The following DACH2 variants were observed in gnomAD, a reference collection of about 807,000 sequenced individuals.
The protein encoded by DACH2 is dachshund family transcription factor 2.
In DACH2, 17 loss-of-function variants were observed where a neutral mutation model predicts 35.8. That is an observed-to-expected ratio of 0.48 (90% CI 0.33 to 0.71). DACH2 has a LOEUF of 0.71. Ranked by LOEUF, DACH2 falls within the 30% of genes least tolerant of loss-of-function variation. The pLI is 0.02. For synonymous variants in DACH2, 195 were observed against 177.3 expected, an observed-to-expected ratio of 1.10 and a Z score of -0.79; for missense variants, 469 against 472.7, an observed-to-expected ratio of 0.99 and a Z score of 0.07.
intron 4 of DACH2, among the ~76,000 whole-genome samples, chrX:86,684,999 G>T (rs1410984824): frequency 1.8e-5 from 2 of 111,520 alleles, no homozygotes; most frequent in African/African-American, 6.5e-5. Context: ...TATATTCTTA[G>T]TATCAGTGAG....
chrX:86,810,573 T>C (rs1040079611), intron 7 of DACH2, among the ~76,000 whole-genome samples: 1 of 111,907 alleles, frequency 8.9e-6, no homozygotes, highest in African/African-American at 3.2e-5. Flanking sequence ...ATCATCATTA[T>C]AAAGTCATTC....
intron 4 of DACH2, among the ~76,000 whole-genome samples, chrX:86,672,886 A>G (rs2040780996): frequency 9.0e-6 from 1 of 111,607 alleles, no homozygotes. Flanking sequence ...GACGACTTGC[A>G]TTGTGCACCT....
chrX:86,810,241 T>C (rs1210512270), intron 7 of DACH2, among the ~76,000 whole-genome samples: 1 of 112,052 alleles, frequency 8.9e-6, no homozygotes, highest in East Asian at 2.8e-4. Context: ...AATTTTGTTT[T>C]CTGCATACTG....
At chrX:86,656,958 G>A in intron 4 of DACH2, among the ~76,000 whole-genome samples, 1 of 102,400 alleles carries the variant, frequency 9.8e-6, no homozygotes, top group Non-Finnish European at 2.0e-5. Flanking sequence ...TGATGGAACT[G>A]GAGGTTAATA....
intron 1 of DACH2, among the ~76,000 whole-genome samples, chrX:86,293,737 T>C (rs1203857601): frequency 1.8e-5 from 2 of 111,659 alleles, no homozygotes; most frequent in Admixed American, 9.5e-5. Context: ...TCTTTAAGAA[T>C]GTTGAATATT....
intron 7 of DACH2, among the ~76,000 whole-genome samples, chrX:86,749,064 G>A (rs2041744159): frequency 8.9e-6 from 1 of 111,848 alleles, no homozygotes; most frequent in South Asian, 3.7e-4. Context: ...CAGCCTACAA[G>A]GAATTAAAGA....
chrX:86,362,672 G>A (rs943202520), intron 1 of DACH2, among the ~76,000 whole-genome samples: 7 of 111,039 alleles, frequency 6.3e-5, no homozygotes, highest in African/African-American at 2.0e-4. Context: ...TACACTTAAT[G>A]TTTTCTTAGA....
chrX:86,698,532 T>G (rs1400438414), intron 5 of DACH2, among the ~76,000 whole-genome samples: 1 of 62,058 alleles, frequency 1.6e-5, no homozygotes, highest in East Asian at 5.4e-4. Context: ...TTTTTTTTTT[T>G]TTTTTTTTTT....
intron 2 of DACH2, among the ~76,000 whole-genome samples, chrX:86,439,525 C>A (rs748854659): frequency 1.8e-5 from 2 of 111,267 alleles, no homozygotes; most frequent in South Asian, 7.3e-4. Flanking sequence ...AACTTTATAG[C>A]TTTTGGTCTC....
intron 6 of DACH2, among the ~76,000 whole-genome samples, chrX:86,733,107 G>A (rs187880240): frequency 3.9e-4 from 44 of 111,594 alleles, no homozygotes; most frequent in African/African-American, 1.3e-3. Context: ...AGTTTGCACC[G>A]TGGGCACCTA....
At chrX:86,706,192 A>G (rs1434071233) in intron 5 of DACH2, among the ~76,000 whole-genome samples, 2 of 111,579 alleles carry the variant, frequency 1.8e-5, no homozygotes, top group African/African-American at 3.3e-5. Flanking sequence ...GAGATTTCAC[A>G]CTATACAATT....
chrX:86,331,487 C>CAAAA (rs778823154), intron 1 of DACH2, among the ~76,000 whole-genome samples: 1 of 110,254 alleles, frequency 9.1e-6, no homozygotes, highest in Non-Finnish European at 1.9e-5. Context: ...AACAAACAAA[C>CAAAA]AAAAAAACAG....
intron 2 of DACH2, among the ~76,000 whole-genome samples, chrX:86,401,333 A>T (rs757814286): frequency 1.8e-5 from 2 of 112,230 alleles, no homozygotes; most frequent in Admixed American, 9.4e-5. Flanking sequence ...TTCCCGGGTG[A>T]GGTGATGCCT....
intron 2 of DACH2, among the ~76,000 whole-genome samples, chrX:86,421,959 A>T (rs1449261920): frequency 9.0e-6 from 1 of 111,500 alleles, no homozygotes; most frequent in Non-Finnish European, 1.9e-5. Context: ...TAATACACCA[A>T]GTGAGAGAAG....
intron 2 of DACH2, among the ~76,000 whole-genome samples, chrX:86,460,693 A>C (rs1384834072): frequency 9.0e-6 from 1 of 110,918 alleles, no homozygotes; most frequent in African/African-American, 3.3e-5. Flanking sequence ...AAGACTATAA[A>C]TTTTTTCAAG....
At chrX:86,783,245 A>AT (rs938924175) in intron 7 of DACH2, among the ~76,000 whole-genome samples, 2 of 111,930 alleles carry the variant, frequency 1.8e-5, no homozygotes, top group African/African-American at 3.2e-5. Context: ...AAAATGGCTT[A>AT]TATCCAAAAG....
intron 1 of DACH2, among the ~76,000 whole-genome samples, chrX:86,321,545 C>T (rs1459385743): frequency 1.8e-5 from 2 of 111,941 alleles, no homozygotes; most frequent in Admixed American, 1.9e-4. Flanking sequence ...CTTTTCCATT[C>T]ATCTATGGGG....
intron 1 of DACH2, among the ~76,000 whole-genome samples, chrX:86,308,515 A>G (rs2034735001): frequency 8.9e-6 from 1 of 112,369 alleles, no homozygotes; most frequent in Admixed American, 9.4e-5. Context: ...TGTAGGTCGA[A>G]TGGACAAAAT....
intron 2 of DACH2, among the ~76,000 whole-genome samples, chrX:86,450,996 A>T: frequency 9.0e-6 from 1 of 111,449 alleles, no homozygotes; most frequent in South Asian, 3.7e-4. Flanking sequence ...TAGATTGCAA[A>T]CATTTTCTCT....
Sources: gnomAD v4.1 joint callset for allele counts (sites outside exome capture counted in the v4.1 genomes callset) on GRCh38, gnomAD v4.1.1 for gene constraint, MANE v1.5 for transcripts, NCBI Gene and HGNC (gene_info 2026-07-23, HGNC 2026-07-21) for gene names.